The following CHSY3 variants were observed in gnomAD, a reference collection of about 807,000 sequenced individuals.
CHSY3 encodes N-acetylgalactosaminyl-proteoglycan 3-beta-glucuronosyltransferase 3.
CHSY3 carries 35 observed loss-of-function variants against 67.2 expected under a neutral mutation model. The ratio of observed to expected loss-of-function variants is 0.52; its 90% CI spans 0.40 to 0.69. The LOEUF (loss-of-function observed/expected upper bound fraction) is 0.69. Ranked by LOEUF, CHSY3 falls within the 30% of genes least tolerant of loss-of-function variation. The pLI, the probability that CHSY3 is intolerant of heterozygous loss-of-function variation, is 0.00. For synonymous variants in CHSY3, 474 were observed against 434.7 expected (o/e 1.09, Z -1.12); for missense variants, 1,069 against 1,138.5 (o/e 0.94, Z 0.88).
chr5:129,977,638 A>G (rs1341325582), intron 2 of CHSY3, among the ~76,000 whole-genome samples: 7 of 152,166 alleles, frequency 4.6e-5, no homozygotes, highest in Non-Finnish European at 7.4e-5. Flanking sequence ...TTCAGTGGTA[A>G]TTATTTCCCT....
At chr5:130,064,484 CTT>C (rs1277969201) in intron 2 of CHSY3, among the ~76,000 whole-genome samples, 2 of 152,168 alleles carry the variant, frequency 1.3e-5, no homozygotes, top group Non-Finnish European at 2.9e-5. Context: ...TTTGAAATGA[CTT>C]TTACTTGCTC....
At chr5:130,070,597 A>G (rs1766029835) in intron 2 of CHSY3, among the ~76,000 whole-genome samples, 1 of 152,134 alleles carries the variant, frequency 6.6e-6, no homozygotes, top group Admixed American at 6.6e-5. Context: ...AAATGGTTAA[A>G]TGCGATTGGT....
chr5:130,001,874 TA>T, intron 2 of CHSY3: 2 of 932,124 alleles, frequency 2.1e-6, no homozygotes, highest in Non-Finnish European at 1.3e-6. Context: ...ATCCTGTGTG[TA>T]ACCAAAAGGT....
intron 2 of CHSY3, among the ~76,000 whole-genome samples, chr5:130,035,886 G>GTTGTTTTTTTTTT (rs1377594112): frequency 3.1e-5 from 2 of 65,532 alleles, no homozygotes; most frequent in Admixed American, 1.7e-4. Flanking sequence ...TCATTTGGTT[G>GTTGTTTTTTTTTT]TTTTTTTTTT....
At chr5:130,097,839 T>A (rs1354289982) in intron 2 of CHSY3, among the ~76,000 whole-genome samples, 1 of 151,938 alleles carries the variant, frequency 6.6e-6, no homozygotes, top group African/African-American at 2.4e-5. Context: ...CCGTCTCTAC[T>A]AAAAATACAA....
chr5:130,015,542 C>T (rs535144849), intron 2 of CHSY3, among the ~76,000 whole-genome samples: 4 of 152,272 alleles, frequency 2.6e-5, no homozygotes, highest in Non-Finnish European at 5.9e-5. Context: ...TTGAATTTTG[C>T]TCTGACATGA....
At position 130,043,210 on chromosome 5, in the gene CHSY3, G is replaced by A. The variant is rs528011018; in HGVS notation, c.1086+134850G>A. 1.6e-3 allele frequency among the ~76,000 whole-genome samples: 238 copies of A among 151,834 alleles called. 1 individual carries two copies. Among genetic ancestry groups the A allele is most frequent in the African/African-American group, 5.6e-3 (232 of 41,462 alleles). On this transcript the variant is annotated intron_variant, in intron 2 of 2. Transcript: ENST00000305031. Reference sequence around the variant, plus strand: ...TTGTTGTTTGTTTGTTTTTTTTACTGTGCTAAATTGAAATTTATTGTCAAA... The same window carrying A: ...TTGTTGTTTGTTTGTTTTTTTTACTATGCTAAATTGAAATTTATTGTCAAA...
At chr5:130,133,452 CA>C (rs1223356763) in intron 2 of CHSY3, among the ~76,000 whole-genome samples, 1 of 151,882 alleles carries the variant, frequency 6.6e-6, no homozygotes, top group African/African-American at 2.4e-5. Flanking sequence ...AGCTGGTTTT[CA>C]AAAGAGGTTA....
chr5:130,024,289 G>T (rs967603435), intron 2 of CHSY3, among the ~76,000 whole-genome samples: 1 of 151,710 alleles, frequency 6.6e-6, no homozygotes, highest in Non-Finnish European at 1.5e-5. Context: ...TTCCATTATT[G>T]ATATAATCTA....
intron 2 of CHSY3, among the ~76,000 whole-genome samples, chr5:130,074,485 G>A (rs1472496638): frequency 6.6e-6 from 1 of 152,142 alleles, no homozygotes; most frequent in African/African-American, 2.4e-5. Context: ...GGATGAATTT[G>A]ATATAACCAA....
intron 2 of CHSY3, among the ~76,000 whole-genome samples, chr5:130,039,100 A>G (rs1459288195): frequency 1.3e-5 from 2 of 152,130 alleles, no homozygotes; most frequent in Non-Finnish European, 1.5e-5. Context: ...ATTTTACTTT[A>G]CCTCCAATTA....
At chr5:130,158,422 A>G (rs1273475264) in intron 2 of CHSY3, among the ~76,000 whole-genome samples, 1 of 152,202 alleles carries the variant, frequency 6.6e-6, no homozygotes, top group Non-Finnish European at 1.5e-5. Flanking sequence ...AGAAGCAAGT[A>G]ACATCTAGCT....
chr5:129,905,911 A>AC, intron 1 of CHSY3: 1 of 600,212 alleles, frequency 1.7e-6, no homozygotes. Context: ...CTTAGTCTTT[A>AC]CCTCGTCGGA....
rs182810979 is a variant in CHSY3, at chr5:130,092,362, T to C, written c.1087-91867T>C. On this transcript the variant is annotated intron_variant, in intron 2 of 2. Transcript: ENST00000305031. ...TGGCAGGCCTACACTACTAATAAGCTAGACCTGCATAAGTGGGCCGAAACC... is the reference window on the plus strand; with the variant it reads ...TGGCAGGCCTACACTACTAATAAGCCAGACCTGCATAAGTGGGCCGAAACC... Among the ~76,000 whole-genome samples the C allele has an allele frequency of 6.4e-4, 98 of 152,288 alleles. 1 individual carries two copies. Among genetic ancestry groups the C allele is most frequent in the Non-Finnish European group, 1.5e-4 (10 of 68,016 alleles).
intron 2 of CHSY3, among the ~76,000 whole-genome samples, chr5:130,156,225 C>A (rs1028176900): frequency 3.3e-5 from 5 of 152,230 alleles, no homozygotes; most frequent in Non-Finnish European, 5.9e-5. Flanking sequence ...CTTGCAGTCA[C>A]AAAATCCATA....
In CHSY3 at chr5:130,176,244, A is replaced by G. The variant is rs537171203; in HGVS notation, c.1087-7985A>G. ...CATTTATGCAGCCAACAAATATATG[A>G]AAAAAAAAGCCCATCATCACTGGTC... On this transcript the variant is annotated intron_variant, in intron 2 of 2. Coordinates refer to ENST00000305031, the MANE Select transcript of CHSY3 (RefSeq NM_175856.5). Among the ~76,000 whole-genome samples, 373 of 151,594 alleles carry G rather than the reference A, an allele frequency of 2.5e-3. 5 individuals carry two copies. Among genetic ancestry groups the G allele is most frequent in the African/African-American group, 8.3e-3 (342 of 41,348 alleles).
intron 2 of CHSY3, among the ~76,000 whole-genome samples, chr5:130,125,159 G>T (rs890659258): frequency 1.2e-4 from 18 of 152,208 alleles, no homozygotes; most frequent in African/African-American, 4.1e-4. Flanking sequence ...TAGAGAATGT[G>T]GAGCTATTTT....
intron 2 of CHSY3, among the ~76,000 whole-genome samples, chr5:130,143,780 A>ATATATATATGTG (rs1554085936): frequency 3.3e-5 from 2 of 60,406 alleles, no homozygotes; most frequent in African/African-American, 1.9e-4. Flanking sequence ...ATATATATAT[A>ATATATATATGTG]TGTGTATATA....
In CHSY3 at chr5:130,001,650, T is replaced by A. The variant is rs1028888148; in HGVS notation, c.1086+93290T>A. On this transcript the variant is annotated intron_variant, in intron 2 of 2. Transcript: ENST00000305031. Reference sequence around the variant, plus strand: ...CTTCTAGTTAAGGAGTAGGATAATATGTAGAGAGTAATTTATAAGCCTGCG... The same window carrying A: ...CTTCTAGTTAAGGAGTAGGATAATAAGTAGAGAGTAATTTATAAGCCTGCG... 5 of 785,092 alleles carry A rather than the reference T, an allele frequency of 6.4e-6. No individual in the cohort carries two copies. In the East Asian group the frequency reaches 5.1e-4, roughly 80 times the overall value. The allele number at this position is 785,092 out of a possible 1,614,324, so 48.6% of individuals were successfully genotyped here. A position where few individuals can be genotyped will look rare whatever the true frequency, so the allele number is the denominator to read the frequency against.
Sources: gnomAD v4.1 joint callset for allele counts (sites outside exome capture counted in the v4.1 genomes callset) on GRCh38, gnomAD v4.1.1 for gene constraint, MANE v1.5 for transcripts, NCBI Gene and HGNC (gene_info 2026-07-23, HGNC 2026-07-21) for gene names.